The following LHFPL3 variants were observed in gnomAD, a reference collection of about 807,000 sequenced individuals.
LHFPL3 encodes the protein LHFPL tetraspan subfamily member 3 protein.
In LHFPL3, 5 loss-of-function variants were observed where a neutral mutation model predicts 19.3. That is an observed-to-expected ratio of 0.26 (90% CI 0.14 to 0.54). The LOEUF (loss-of-function observed/expected upper bound fraction) is 0.54, where lower values mean the gene tolerates loss of function less well. LHFPL3 is among the 20% of genes least tolerant of loss of function. LHFPL3 has a pLI of 0.94. For synonymous variants in LHFPL3, 133 were observed against 126.2 expected (o/e 1.05, Z -0.36); for missense variants, 249 against 307.4 (o/e 0.81, Z 1.42).
At chr7:104,511,753 T>C (rs1793817581) in intron 1 of LHFPL3, among the ~76,000 whole-genome samples, 1 of 152,022 alleles carries the variant, frequency 6.6e-6, no homozygotes, top group Non-Finnish European at 1.5e-5. Context: ...ATCTCAGAAA[T>C]CACCACTAAA....
At chr7:104,403,729 C>T (rs1179257877) in intron 1 of LHFPL3, among the ~76,000 whole-genome samples, 1 of 70,034 alleles carries the variant, frequency 1.4e-5, no homozygotes, top group Admixed American at 2.1e-4. Context: ...TGAACATTCT[C>T]TCTCTCTCTC....
Position 104,558,566 on chromosome 7 carries a change from A to G in LHFPL3, c.446-178109A>G, listed in dbSNP as rs4275152. 2.0e-5 allele frequency among the ~76,000 whole-genome samples: 3 copies of G among 151,114 alleles called. No individual in the cohort carries two copies. In the East Asian group the frequency reaches 5.8e-4, roughly 29 times the overall value. On this transcript the variant is annotated intron_variant, in intron 1 of 2. Transcript: ENST00000424859. ...GTAAATTTGTTTGAGTTCATTGTAG[A>G]TTCTGGATATTAGCCCTTTGTCAGA...
intron 1 of LHFPL3, among the ~76,000 whole-genome samples, chr7:104,633,400 G>A (rs1791677898): frequency 6.6e-6 from 1 of 152,132 alleles, no homozygotes; most frequent in Non-Finnish European, 1.5e-5. Context: ...AAAAGTCACT[G>A]GAAACTGCAC....
At chr7:104,522,903 C>T (rs1158899259) in intron 1 of LHFPL3, among the ~76,000 whole-genome samples, 1 of 152,066 alleles carries the variant, frequency 6.6e-6, no homozygotes, top group Non-Finnish European at 1.5e-5. Context: ...GTAGACCAGG[C>T]TGCTTAGCGG....
chr7:104,516,656 C>T (rs1047754654), intron 1 of LHFPL3, among the ~76,000 whole-genome samples: 5 of 151,898 alleles, frequency 3.3e-5, no homozygotes, highest in Non-Finnish European at 5.9e-5. Context: ...CAGATGCTGG[C>T]GAGGTTGCAG....
chr7:104,896,318 C>T (rs748003363), intron 2 of LHFPL3, among the ~76,000 whole-genome samples: 2 of 152,156 alleles, frequency 1.3e-5, no homozygotes, highest in African/African-American at 4.8e-5. Context: ...CAAAAATGCC[C>T]GTTGTCTGCA....
At chr7:104,855,062 T>C (rs769669835) in intron 2 of LHFPL3, among the ~76,000 whole-genome samples, 2 of 152,198 alleles carry the variant, frequency 1.3e-5, no homozygotes, top group Non-Finnish European at 2.9e-5. Flanking sequence ...TTATCCCAGG[T>C]TTGCAAATTG....
chr7:104,713,555 A>C (rs1276899672), intron 1 of LHFPL3, among the ~76,000 whole-genome samples: 1 of 152,160 alleles, frequency 6.6e-6, no homozygotes, highest in Non-Finnish European at 1.5e-5. Flanking sequence ...GTAGCAAGGG[A>C]GAAATCAGCC....
intron 1 of LHFPL3, among the ~76,000 whole-genome samples, chr7:104,624,191 C>T (rs1179750142): frequency 1.3e-5 from 2 of 152,146 alleles, no homozygotes; most frequent in East Asian, 1.9e-4. Context: ...AACCAAATAT[C>T]GTGAGTTTTG....
At chr7:104,447,306 T>C (rs548286930) in intron 1 of LHFPL3, among the ~76,000 whole-genome samples, 1 of 152,288 alleles carries the variant, frequency 6.6e-6, no homozygotes, top group East Asian at 1.9e-4. Context: ...TAGTCTGCAG[T>C]AAAATTTTTA....
intron 1 of LHFPL3, among the ~76,000 whole-genome samples, chr7:104,375,343 T>C (rs929139527): frequency 8.6e-5 from 13 of 151,260 alleles, no homozygotes; most frequent in African/African-American, 2.4e-5. Flanking sequence ...ATCTAAAAAA[T>C]GAAAAATAAC....
At chr7:104,413,166 C>T (rs1791563739) in intron 1 of LHFPL3, among the ~76,000 whole-genome samples, 1 of 152,210 alleles carries the variant, frequency 6.6e-6, no homozygotes, top group Non-Finnish European at 1.5e-5. Flanking sequence ...TCACCACGTG[C>T]AGGCTCCTTC....
rs754203119 is a variant in LHFPL3 at position 104,746,480 on chromosome 7, C to T, written c.682+9569C>T. Among the ~76,000 whole-genome samples the T allele has an allele frequency of 2.4e-4, 36 of 152,042 alleles. 1 individual carries two copies. Among genetic ancestry groups the T allele is most frequent in the African/African-American group, 4.6e-4 (19 of 41,380 alleles). ...TGTTTTACTGATGAAAAAGCCAAGG[C>T]GCAGAGAGAGGAAATGAAATCTCAC... On this transcript the variant is annotated intron_variant, in intron 2 of 2. Transcript: ENST00000424859.
chr7:104,833,322 T>A (rs867180436), intron 2 of LHFPL3, among the ~76,000 whole-genome samples: 24 of 20,038 alleles, frequency 1.2e-3, no homozygotes, highest in Middle Eastern at 0.036. Context: ...ATATATATAT[T>A]ATATATATAA....
At chr7:104,609,573 T>C (rs915135122) in intron 1 of LHFPL3, among the ~76,000 whole-genome samples, 3 of 152,108 alleles carry the variant, frequency 2.0e-5, no homozygotes, top group Non-Finnish European at 2.9e-5. Flanking sequence ...GTGCAGAGAA[T>C]ATAAAAACCC....
At chr7:104,725,309 T>G (rs1260963114) in intron 1 of LHFPL3, among the ~76,000 whole-genome samples, 2 of 152,216 alleles carry the variant, frequency 1.3e-5, no homozygotes, top group African/African-American at 4.8e-5. Flanking sequence ...CACATCCTGT[T>G]CCAGTGAAGT....
chr7:104,567,041 C>G (rs1790137164), intron 1 of LHFPL3, among the ~76,000 whole-genome samples: 1 of 152,174 alleles, frequency 6.6e-6, no homozygotes, highest in Non-Finnish European at 1.5e-5. Context: ...ATTTGCAAAG[C>G]TTCTTCCAGG....
At position 104,842,263 on chromosome 7, in the gene LHFPL3, T is replaced by TC. The variant is rs377089468; in HGVS notation, c.683-63922dup. On this transcript the variant is annotated intron_variant, in intron 2 of 2. Transcript: ENST00000424859. ...CTCTCAAAGTTACTCAGGCATCAGC[T>TC]CCTCCTCTAGCGGTAGAACCTTTTG... is the stretch of plus-strand genomic sequence containing the variant. 3.3e-3 allele frequency among the ~76,000 whole-genome samples: 401 copies of TC among 120,008 alleles called. 5 individuals carry two copies. The highest frequency in any genetic ancestry group is 0.012 in the African/African-American group (386 of 31,440). 78.7% of individuals were successfully genotyped at this position (120,008 alleles called of 152,430 possible).
Position 104,328,784 on chromosome 7 carries a change from C to T in LHFPL3, c.5C>T (p.Pro2Leu). M[P>L]GAAAAAAAAA... ...AGGAGGAGGAGGAGGGGGAGAATGC[C>T]CGGAGCCGCCGCCGCTGCCGCCGCC... Residue 2 changes from proline to leucine, a missense_variant, in exon 1 of 3, where the codon CCC (proline) becomes CTC (leucine). Transcript: ENST00000424859. The surrounding 1 kb of genome is among the most constrained non-coding windows in gnomAD (Gnocchi z 4.6). 1.3e-6 allele frequency: 2 copies of T among 1,588,936 alleles called. No homozygotes were observed. Among genetic ancestry groups the T allele is most frequent in the South Asian group, 1.1e-5 (1 of 88,750 alleles).
Sources: allele counts gnomAD v4.1 joint callset (sites outside exome capture counted in the v4.1 genomes callset), GRCh38; gene constraint gnomAD v4.1.1; non-coding constraint Gnocchi (gnomAD v3.1); transcripts MANE v1.5; gene names NCBI Gene and HGNC (gene_info 2026-07-23, HGNC 2026-07-21).